SH3RF3: variants seen among roughly 807,000 people sequenced by gnomAD.
SH3RF3 encodes E3 ubiquitin-protein ligase SH3RF3.
Under a neutral mutation model 66.3 loss-of-function variants are expected in SH3RF3, and 29 were observed. The ratio of observed to expected loss-of-function variants is 0.44; its 90% CI spans 0.33 to 0.60. SH3RF3 has a LOEUF of 0.60. Among genes scored for constraint, SH3RF3 ranks in the 20% least tolerant of loss-of-function variants. The pLI, the probability that SH3RF3 is intolerant of heterozygous loss-of-function variation, is 0.04. For missense variants in SH3RF3, 1,194 were observed against 1,190.9 expected (o/e 1.00, Z -0.04); for synonymous variants, 583 against 532.0 (o/e 1.10, Z -1.32).
chr2:109,233,923 A>AG (rs1679581662), intron 1 of SH3RF3, among the ~76,000 whole-genome samples: 1 of 152,214 alleles, frequency 6.6e-6, no homozygotes, highest in African/African-American at 2.4e-5. Context: ...CATCATATGG[A>AG]GGTACCACAG....
intron 1 of SH3RF3, among the ~76,000 whole-genome samples, chr2:109,246,811 G>T (rs1220778694): frequency 1.3e-5 from 2 of 152,192 alleles, no homozygotes; most frequent in Non-Finnish European, 2.9e-5. Context: ...GCAGTCGGAT[G>T]CCCTAGCTCA....
chr2:109,239,002 A>C (rs1679717327), intron 1 of SH3RF3, among the ~76,000 whole-genome samples: 3 of 152,214 alleles, frequency 2.0e-5, no homozygotes, highest in East Asian at 3.8e-4. Context: ...AGGAAAAGCT[A>C]CTGGTAGACA....
chr2:109,467,459 G>A (rs555903948), intron 8 of SH3RF3, among the ~76,000 whole-genome samples: 1 of 152,320 alleles, frequency 6.6e-6, no homozygotes, highest in Admixed American at 6.5e-5. Flanking sequence ...AGCAGCTCGG[G>A]GGTTTCCTGG....
intron 8 of SH3RF3, among the ~76,000 whole-genome samples, chr2:109,486,464 T>A (rs539024807): frequency 4.6e-5 from 7 of 152,306 alleles, no homozygotes; most frequent in Non-Finnish European, 7.4e-5. Context: ...ACTAACTAGG[T>A]CCTAGGTATT....
intron 1 of SH3RF3, among the ~76,000 whole-genome samples, chr2:109,232,443 A>C (rs924471222): frequency 6.6e-6 from 1 of 152,172 alleles, no homozygotes; most frequent in Non-Finnish European, 1.5e-5. Flanking sequence ...TGGTCTGCCT[A>C]TCTATCTGTA....
At chr2:109,316,493 G>A (rs77408258) in intron 1 of SH3RF3, among the ~76,000 whole-genome samples, 47,375 of 152,012 alleles carry the variant, frequency 0.31, 9,140 homozygotes, top group African/African-American at 0.55. Flanking sequence ...CCATGACATG[G>A]AGAGAACTTA....
At chr2:109,400,577 A>G (rs777465470) in intron 4 of SH3RF3, among the ~76,000 whole-genome samples, 101 of 151,144 alleles carry the variant, frequency 6.7e-4, no homozygotes, top group South Asian at 1.0e-3. Flanking sequence ...ACCTGTGCGC[A>G]CACACACACA....
chr2:109,266,189 G>GC (rs1171037589), intron 1 of SH3RF3, among the ~76,000 whole-genome samples: 3 of 150,650 alleles, frequency 2.0e-5, no homozygotes, highest in African/African-American at 7.3e-5. Flanking sequence ...GTGCATGTGT[G>GC]TGTTGTGTGT....
intron 3 of SH3RF3, among the ~76,000 whole-genome samples, chr2:109,392,707 G>C (rs1295699016): frequency 6.6e-6 from 1 of 151,766 alleles, no homozygotes; most frequent in African/African-American, 2.4e-5. Context: ...AGTAGAGATG[G>C]GGTTTCACCG....
intron 8 of SH3RF3, among the ~76,000 whole-genome samples, chr2:109,473,018 G>A (rs763310774): frequency 6.6e-5 from 10 of 152,236 alleles, no homozygotes; most frequent in Admixed American, 1.3e-4. Context: ...AAAAGATAAT[G>A]TGTTGGCTGA....
intron 1 of SH3RF3, among the ~76,000 whole-genome samples, chr2:109,166,058 T>C (rs1677614192): frequency 6.6e-6 from 1 of 152,232 alleles, no homozygotes. Flanking sequence ...TGAGCCTCAC[T>C]GGAGAGCTGT....
chr2:109,273,849 G>T (rs1314801757), intron 1 of SH3RF3, among the ~76,000 whole-genome samples: 3 of 152,096 alleles, frequency 2.0e-5, no homozygotes, highest in Non-Finnish European at 4.4e-5. Context: ...CTTATAAAGG[G>T]GTTGCTTGAA....
intron 2 of SH3RF3, among the ~76,000 whole-genome samples, chr2:109,353,099 C>T (rs1032101733): frequency 7.9e-5 from 12 of 152,240 alleles, no homozygotes; most frequent in African/African-American, 2.9e-4. Context: ...GCTCAGAGTC[C>T]TCAGTGGCTC....
chr2:109,502,250 T>G lies in SH3RF3; in HGVS notation c.*579T>G, dbSNP rs1160299709. 1.3e-5 allele frequency: 2 copies of G among 152,220 alleles called. No individual in the cohort carries two copies. The highest frequency in any genetic ancestry group is 2.9e-5 in the Non-Finnish European group (2 of 68,050). The allele number at this position is 152,220 out of a possible 1,614,324, so 9.4% of individuals were successfully genotyped here. A position where few individuals can be genotyped will look rare whatever the true frequency, so the allele number is the denominator to read the frequency against. On this transcript the variant is annotated 3_prime_UTR_variant, in exon 10 of 10. Coordinates refer to ENST00000309415, the MANE Select transcript of SH3RF3 (RefSeq NM_001099289.3). ...CTGTTGGGAACCAGAGCAGAATCTG[T>G]GGGCTTGTCGCCTGCCAGTAGTATA... is the stretch of plus-strand genomic sequence containing the variant.
intron 5 of SH3RF3, among the ~76,000 whole-genome samples, chr2:109,420,725 A>G (rs548237773): frequency 3.3e-5 from 5 of 152,274 alleles, no homozygotes; most frequent in Admixed American, 6.5e-5. Flanking sequence ...GATTACAGGC[A>G]TGAGCCACCG....
intron 1 of SH3RF3, among the ~76,000 whole-genome samples, chr2:109,286,757 G>T (rs1681038267): frequency 6.6e-6 from 1 of 152,214 alleles, no homozygotes; most frequent in South Asian, 2.1e-4. Flanking sequence ...TCCCTACAGA[G>T]ATGTGGTGCA....
chr2:109,374,512 G>C (rs1046536831), intron 3 of SH3RF3, among the ~76,000 whole-genome samples: 1 of 152,194 alleles, frequency 6.6e-6, no homozygotes, highest in South Asian at 2.1e-4. Context: ...AGGCATTTGA[G>C]GTGGGAACTT....
At chr2:109,192,539 A>G (rs1306055871) in intron 1 of SH3RF3, among the ~76,000 whole-genome samples, 2 of 152,196 alleles carry the variant, frequency 1.3e-5, no homozygotes, top group Admixed American at 6.5e-5. Flanking sequence ...GGTAATTTCT[A>G]TGCCTGTGCC....
intron 1 of SH3RF3, among the ~76,000 whole-genome samples, chr2:109,157,499 A>T (rs1431007685): frequency 6.6e-6 from 1 of 152,228 alleles, no homozygotes; most frequent in African/African-American, 2.4e-5. Flanking sequence ...CACCCTCTGG[A>T]TCTGAAACTG....
Sources: gnomAD v4.1 joint callset for allele counts (sites outside exome capture counted in the v4.1 genomes callset) on GRCh38, gnomAD v4.1.1 for gene constraint, MANE v1.5 for transcripts, NCBI Gene and HGNC (gene_info 2026-07-23, HGNC 2026-07-21) for gene names.